The following NEURL3 variants were observed in gnomAD, a reference collection of about 807,000 sequenced individuals.
The protein encoded by NEURL3 is neuralized E3 ubiquitin protein ligase 3.
NEURL3 carries 19 observed loss-of-function variants against 17.6 expected under a neutral mutation model. That is an observed-to-expected ratio of 1.08 (90% CI 0.75 to 1.58). The LOEUF is 1.58. Among genes scored for constraint, NEURL3 ranks in the 40% most tolerant of loss-of-function variants. The probability of loss-of-function intolerance (pLI) is 0.00; values close to 1 mark genes in which losing one functional copy is unlikely to be tolerated. For missense variants in NEURL3, 342 were observed against 379.6 expected (o/e 0.90, Z 0.82); for synonymous variants, 180 against 161.4 (o/e 1.11, Z -0.87).
intron 1 of NEURL3, 115 bp downstream of exon 1, chr2:96,505,144 C>T: frequency 1.6e-6 from 2 of 1,247,880 alleles, no homozygotes; most frequent in South Asian, 2.6e-5. Flanking sequence ...ACCCCACCAG[C>T]CCCCTAAACT....
chr2:96,503,004 G>A (rs1269854363), intron 1 of NEURL3, among the ~76,000 whole-genome samples: 1 of 152,240 alleles, frequency 6.6e-6, no homozygotes, highest in Non-Finnish European at 1.5e-5. Context: ...AACCAGCAGA[G>A]ATGAGCCCGT....
intron 1 of NEURL3, chr2:96,504,783 C>G (rs1254226157): frequency 6.7e-6 from 1 of 149,836 alleles, no homozygotes; most frequent in African/African-American, 2.5e-5. Context: ...GAGGCTGAGG[C>G]AGGAGAATGG....
chr2:96,505,506 C>A, upstream of NEURL3: 1 of 599,596 alleles, frequency 1.7e-6, no homozygotes, highest in Non-Finnish European at 3.0e-6. Flanking sequence ...TGGAGCTGGC[C>A]GGCCTAAGAG....
Position 96,500,699 on chromosome 2 carries a change from G to A in NEURL3, c.254C>T (p.Pro85Leu), listed in dbSNP as rs906631162. ...GLRVGFTRLD[P>L]ACVSVPSLPP... ...CAGGCTGGGCACGGACACGCACGCG[G>A]GGTCCAGGCGCGTGAAGCCCACGCG... Residue 85 changes from proline to leucine, a missense_variant, in exon 2 of 4, where the codon CCC (proline) becomes CTC (leucine). Transcript: ENST00000451794. 1.3e-6 allele frequency: 2 copies of A among 1,514,210 alleles called. No individual in the cohort carries two copies. The highest frequency in any genetic ancestry group is 4.2e-5 in the Admixed American group (2 of 47,642). The allele number at this position is 1,514,210 out of a possible 1,614,324, so 93.8% of individuals were successfully genotyped here.
At position 96,498,208 on chromosome 2, in the gene NEURL3, A is replaced by G; in HGVS notation, c.*36T>C. 6.7e-7 allele frequency: 1 copy of G among 1,500,728 alleles called. No individual in the cohort carries two copies. The allele number at this position is 1,500,728 out of a possible 1,614,324, so 93.0% of individuals were successfully genotyped here. On this transcript the variant is annotated 3_prime_UTR_variant, in exon 4 of 4. Transcript: ENST00000451794. The surrounding 1 kb of genome is among the most constrained non-coding windows in gnomAD (Gnocchi z 4.4). Reference sequence around the variant, plus strand: ...CTCTGCAGGGGCCAGACTCAGATCTAGGCCCGGGCTGCCACTCATACTGGG... The same window carrying G: ...CTCTGCAGGGGCCAGACTCAGATCTGGGCCCGGGCTGCCACTCATACTGGG...
chr2:96,500,941 G>C lies in NEURL3; in HGVS notation c.29-17C>G. The C allele has an allele frequency of 6.5e-7, 1 of 1,543,402 alleles. No homozygotes were observed. Among genetic ancestry groups the C allele is most frequent in the Non-Finnish European group, 8.7e-7 (1 of 1,153,752 alleles). On this transcript the variant is annotated splice_polypyrimidine_tract_variant and intron_variant, in intron 1 of 3. Transcript: ENST00000451794. ...CCTTGGCGTCTGTGGGTTGAGGATGGGGAGTGTCAGTGCTAACCGGGTCTG... is the reference window on the plus strand; with the variant it reads ...CCTTGGCGTCTGTGGGTTGAGGATGCGGAGTGTCAGTGCTAACCGGGTCTG...
intron 1 of NEURL3, among the ~76,000 whole-genome samples, chr2:96,502,570 C>T (rs1413084861): frequency 6.6e-6 from 1 of 152,256 alleles, no homozygotes; most frequent in Admixed American, 6.5e-5. Context: ...GCCTACCTGG[C>T]CAGGCATGGG....
chr2:96,499,349 GA>G, intron 3 of NEURL3, 28 bp downstream of exon 3: 2 of 1,597,804 alleles, frequency 1.3e-6, no homozygotes, highest in Non-Finnish European at 1.7e-6. Context: ...GATTCCCGGG[GA>G]GTCCCTGATT....
chr2:96,497,894 G>T lies in NEURL3; in HGVS notation c.*350C>A, dbSNP rs2065459169. Reference sequence around the variant, plus strand: ...CAGATACCTCCTGCTTCAAGTCCAGGTTCTTCAATACCCAGGAGGTACAGG... The same window carrying T: ...CAGATACCTCCTGCTTCAAGTCCAGTTTCTTCAATACCCAGGAGGTACAGG... On this transcript the variant is annotated 3_prime_UTR_variant, in exon 4 of 4. Coordinates refer to ENST00000451794, the MANE Select transcript of NEURL3 (RefSeq NM_001285485.2). The T allele has an allele frequency of 4.7e-6, 1 of 212,550 alleles. No homozygotes were observed. Among genetic ancestry groups the T allele is most frequent in the South Asian group, 1.2e-4 (1 of 8,350 alleles). The allele number at this position is 212,550 out of a possible 1,614,324, so 13.2% of individuals were successfully genotyped here.
At chr2:96,506,829 C>T (rs930571112), upstream of NEURL3, among the ~76,000 whole-genome samples, 2 of 152,224 alleles carry the variant, frequency 1.3e-5, no homozygotes, top group Admixed American at 1.3e-4. Context: ...CTCAGGCCAC[C>T]CAAAGCCAGC....
upstream of NEURL3, among the ~76,000 whole-genome samples, chr2:96,505,948 C>T (rs2065557615): frequency 1.3e-5 from 2 of 152,244 alleles, no homozygotes; most frequent in African/African-American, 4.8e-5. Flanking sequence ...TTTCCCAGAA[C>T]TGCCACAAAA....
intron 3 of NEURL3, 185 bp downstream of exon 3, chr2:96,499,193 G>A (rs1327431934): frequency 2.1e-5 from 30 of 1,404,892 alleles, no homozygotes; most frequent in Non-Finnish European, 2.8e-5. Context: ...AACTCACAGA[G>A]TAGGCAAATG....
At chr2:96,502,938 C>T (rs1387131182) in intron 1 of NEURL3, among the ~76,000 whole-genome samples, 1 of 152,230 alleles carries the variant, frequency 6.6e-6, no homozygotes, top group East Asian at 1.9e-4. Flanking sequence ...AAGGGGAACC[C>T]CTGGGGTCAG....
chr2:96,507,526 A>G (rs1015149585), upstream of NEURL3, among the ~76,000 whole-genome samples: 8 of 152,062 alleles, frequency 5.3e-5, no homozygotes, highest in African/African-American at 1.9e-4. Flanking sequence ...GTGCAGTGGC[A>G]CGATCTCGGC....
Position 96,505,166 on chromosome 2 carries a change from A to G in NEURL3, c.28+93T>C, listed in dbSNP as rs2065550872. On this transcript the variant is annotated intron_variant, in intron 1 of 3. Coordinates refer to ENST00000451794, the MANE Select transcript of NEURL3 (RefSeq NM_001285485.2). ...CAGCCCCCTAAACTTTACACTGACC[A>G]CATCTCTACTCCAGCAATGACACAG... 2.0e-6 allele frequency: 3 copies of G among 1,473,120 alleles called. No homozygotes were observed. In the South Asian group the frequency reaches 3.5e-5, roughly 17 times the overall value. 91.3% of individuals were successfully genotyped at this position (1,473,120 alleles called of 1,614,324 possible).
At position 96,498,284 on chromosome 2, in the gene NEURL3, G is replaced by T. The variant is rs372700231; in HGVS notation, c.749C>A (p.Ala250Glu). ...CRWQIEAVAP[A>E]QGPPALRVEE... ...AACCCTCAGAGCAGGAGGGCCCTGC[G>T]CAGGGGCTACCGCCTCTATCTGCCA... The change falls in exon 4 of 4, where the codon GCG (alanine) becomes GAG (glutamate). Residue 250 changes from alanine (A) to glutamate (E), a missense_variant. Physicochemically the swap from Ala to Glu is moderately radical, Grantham distance 107. Transcript: ENST00000451794. The surrounding 1 kb of genome is among the most constrained non-coding windows in gnomAD (Gnocchi z 4.4). The T allele has an allele frequency of 2.5e-6, 4 of 1,585,966 alleles. No individual in the cohort carries two copies. Among genetic ancestry groups the T allele is most frequent in the Non-Finnish European group, 1.7e-6 (2 of 1,173,702 alleles).
Position 96,498,394 on chromosome 2 carries a change from G to A in NEURL3, c.639C>T (p.Arg213=). The A allele has an allele frequency of 6.3e-7, 1 of 1,599,358 alleles. No homozygotes were observed. Among genetic ancestry groups the A allele is most frequent in the Non-Finnish European group, 8.5e-7 (1 of 1,179,658 alleles). ...AICFYHAANT[R]LVPCGHTYFC... ...AGTATGTGTGGCCGCAGGGCACAAG[G>A]CGGGTGTTGGCAGCGTGATAGAAGC... Residue 213 remains arginine (R), a synonymous_variant, in exon 4 of 4, where the codon CGC becomes CGT. Coordinates refer to ENST00000451794, the MANE Select transcript of NEURL3 (RefSeq NM_001285485.2). This position sits in a 1 kb window ranked among gnomAD's most constrained non-coding sequence, Gnocchi z 4.4.
At position 96,498,460 on chromosome 2, in the gene NEURL3, C is replaced by A; in HGVS notation, c.587-14G>T. The A allele has an allele frequency of 1.9e-6, 3 of 1,586,598 alleles. No individual in the cohort carries two copies. The highest frequency in any genetic ancestry group is 1.7e-6 in the Non-Finnish European group (2 of 1,169,778). On this transcript the variant is annotated splice_polypyrimidine_tract_variant and intron_variant, in intron 3 of 3. Transcript: ENST00000451794. The surrounding 1 kb of genome is among the most constrained non-coding windows in gnomAD (Gnocchi z 4.4). ...CTCCTGGTGTGGCTGGAAGAGGGAG[C>A]AACACAGGTCAGGGCACATGGGGGA...
chr2:96,506,043 C>G (rs557933569), upstream of NEURL3, among the ~76,000 whole-genome samples: 1 of 152,290 alleles, frequency 6.6e-6, no homozygotes, highest in East Asian at 1.9e-4. Context: ...TATTCTAGCC[C>G]GTCAATATTT....
Sources: allele counts gnomAD v4.1 joint callset (sites outside exome capture counted in the v4.1 genomes callset), GRCh38; gene constraint gnomAD v4.1.1; non-coding constraint Gnocchi (gnomAD v3.1); transcripts MANE v1.5; gene names NCBI Gene and HGNC (gene_info 2026-07-23, HGNC 2026-07-21).